PTK2: variants seen among roughly 807,000 people sequenced by gnomAD.
PTK2 encodes protein tyrosine kinase 2, also known as focal adhesion kinase 1.
PTK2 carries 45 observed loss-of-function variants against 150.1 expected under a neutral mutation model. That is an observed-to-expected ratio of 0.30 (90% CI 0.24 to 0.38). The LOEUF is 0.38. Ranked by LOEUF, PTK2 falls within the 10% of genes least tolerant of loss-of-function variation. The probability of loss-of-function intolerance (pLI) is 1.00; values close to 1 mark genes in which losing one functional copy is unlikely to be tolerated. For synonymous variants in PTK2, 432 were observed against 449.2 expected (o/e 0.96, Z 0.48); for missense variants, 919 against 1,307.3 (o/e 0.70, Z 4.58).
intron 14 of PTK2, among the ~76,000 whole-genome samples, chr8:140,780,605 G>A (rs557021074): frequency 6.6e-6 from 1 of 152,264 alleles, no homozygotes; most frequent in Admixed American, 6.5e-5. Flanking sequence ...CAACCAACAA[G>A]GTCTAGCTGA....
chr8:140,766,027 C>A (rs2100072060), intron 14 of PTK2, among the ~76,000 whole-genome samples: 1 of 152,160 alleles, frequency 6.6e-6, no homozygotes, highest in African/African-American at 2.4e-5. Context: ...TCATATAAAG[C>A]ACGTGCCTTT....
At chr8:140,678,917 CT>C (rs146212752) in intron 27 of PTK2, among the ~76,000 whole-genome samples, 79 of 145,126 alleles carry the variant, frequency 5.4e-4, no homozygotes, top group Middle Eastern at 3.7e-3. Flanking sequence ...AATCCATGCC[CT>C]TTTTTTTTTA....
intron 7 of PTK2, among the ~76,000 whole-genome samples, chr8:140,835,919 C>T (rs1296873086): frequency 3.9e-5 from 6 of 151,998 alleles, no homozygotes; most frequent in Admixed American, 2.0e-4. Flanking sequence ...TCTGAATTGT[C>T]CCAGGATGAG....
chr8:140,810,147 C>T lies in PTK2; in HGVS notation c.868-6497G>A, dbSNP rs535536479. The stretch of plus-strand genomic sequence containing the variant: ...GCTCTCACTACAGGCCTCTTAAATC[C>T]GAGCAGGGGGCCCCTCAACTACTAC... On this transcript the variant is annotated intron_variant, in intron 10 of 31. Coordinates refer to ENST00000522684, the Ensembl canonical transcript of PTK2. Among the ~76,000 whole-genome samples, 10 of 152,316 alleles carry T rather than the reference C, an allele frequency of 6.6e-5. No individual in the cohort carries two copies. In the East Asian group the frequency reaches 7.7e-4, roughly 12 times the overall value.
At chr8:140,739,616 C>T (rs551268635) in intron 20 of PTK2, among the ~76,000 whole-genome samples, 13 of 152,348 alleles carry the variant, frequency 8.5e-5, no homozygotes, top group African/African-American at 2.9e-4. Context: ...AGATTACAAT[C>T]TTCACTCATA....
chr8:140,824,573 G>A (rs1459836988), intron 8 of PTK2, among the ~76,000 whole-genome samples: 2 of 152,242 alleles, frequency 1.3e-5, no homozygotes, highest in African/African-American at 2.4e-5. Context: ...AGGACTGTGA[G>A]TTCCAAACCT....
At chr8:140,870,527 G>A (rs1335905458) in intron 4 of PTK2, among the ~76,000 whole-genome samples, 2 of 152,102 alleles carry the variant, frequency 1.3e-5, no homozygotes, top group Non-Finnish European at 2.9e-5. Flanking sequence ...ACTTAGTAAA[G>A]ATGACACAAA....
intron 1 of PTK2, among the ~76,000 whole-genome samples, chr8:140,986,624 C>A (rs2100193341): frequency 6.6e-6 from 1 of 152,146 alleles, no homozygotes. Flanking sequence ...ACATATAACC[C>A]AAAACCCCAC....
At chr8:140,945,489 G>A (rs2100177379) in intron 1 of PTK2, among the ~76,000 whole-genome samples, 2 of 152,114 alleles carry the variant, frequency 1.3e-5, no homozygotes, top group South Asian at 4.1e-4. Flanking sequence ...GGGAGGTTGA[G>A]GCAGGAGGAT....
intron 1 of PTK2, among the ~76,000 whole-genome samples, chr8:140,927,571 T>A (rs997531495): frequency 3.9e-5 from 6 of 152,174 alleles, no homozygotes; most frequent in African/African-American, 1.4e-4. Flanking sequence ...ACAACCTGCA[T>A]TTCTCAGCTA....
intron 4 of PTK2, among the ~76,000 whole-genome samples, chr8:140,865,166 A>G (rs994971950): frequency 1.3e-5 from 2 of 152,244 alleles, no homozygotes; most frequent in African/African-American, 4.8e-5. Flanking sequence ...GTAAGTAATG[A>G]AAGTGAATAC....
intron 1 of PTK2, among the ~76,000 whole-genome samples, chr8:140,951,607 G>A (rs143267918): frequency 2.8e-4 from 43 of 152,308 alleles, no homozygotes; most frequent in African/African-American, 9.9e-4. Context: ...ATGAGGCCAG[G>A]AGCAGTGGCT....
At chr8:140,926,774 T>A (rs575652366) in intron 1 of PTK2, among the ~76,000 whole-genome samples, 1 of 152,240 alleles carries the variant, frequency 6.6e-6, no homozygotes, top group Non-Finnish European at 1.5e-5. Context: ...ATTTAATATT[T>A]CTGCCAATTG....
chr8:140,793,518 T>C, intron 12 of PTK2, 134 bp from the exon 13 acceptor site: 1 of 840,086 alleles, frequency 1.2e-6, no homozygotes, highest in South Asian at 2.1e-5. Flanking sequence ...GTTGCTACAC[T>C]GTCTACCTTA....
At chr8:140,999,453 C>A (rs768751909) in intron 1 of PTK2, among the ~76,000 whole-genome samples, 1 of 152,138 alleles carries the variant, frequency 6.6e-6, no homozygotes, top group Non-Finnish European at 1.5e-5. Flanking sequence ...GCCTGTTTTT[C>A]CCCACCAAGG....
chr8:140,854,592 TGA>T, intron 5 of PTK2, among the ~76,000 whole-genome samples: 1 of 151,842 alleles, frequency 6.6e-6, no homozygotes, highest in East Asian at 1.9e-4. Context: ...GTTATAACAG[TGA>T]ATACTGTTAT....
intron 5 of PTK2, among the ~76,000 whole-genome samples, chr8:140,849,949 G>A (rs1567518886): frequency 6.6e-6 from 1 of 152,062 alleles, no homozygotes; most frequent in African/African-American, 2.4e-5. Context: ...TAACAAATAG[G>A]AACCACCTCT....
intron 4 of PTK2, among the ~76,000 whole-genome samples, chr8:140,878,450 A>AT (rs1265353040): frequency 1.3e-5 from 2 of 152,154 alleles, no homozygotes; most frequent in Non-Finnish European, 2.9e-5. Context: ...CAATACAAAA[A>AT]TTAGCTGGGC....
At chr8:140,674,821 G>C (rs2100012624) in intron 28 of PTK2, among the ~76,000 whole-genome samples, 1 of 151,918 alleles carries the variant, frequency 6.6e-6, no homozygotes, top group African/African-American at 2.4e-5. Context: ...GCTGAGGCGG[G>C]CGGATGCCTG....
Sources: allele counts gnomAD v4.1 joint callset (sites outside exome capture counted in the v4.1 genomes callset), GRCh38; gene constraint gnomAD v4.1.1; transcripts MANE v1.5; gene names NCBI Gene and HGNC (gene_info 2026-07-23, HGNC 2026-07-21).